The following PALM2AKAP2 variants were observed in gnomAD, a reference collection of about 807,000 sequenced individuals.
PALM2AKAP2 encodes PALM2 and AKAP2 fusion.
In PALM2AKAP2, 37 loss-of-function variants were observed where a neutral mutation model predicts 71.5. That is an observed-to-expected ratio of 0.52 (90% CI 0.40 to 0.68). The LOEUF (loss-of-function observed/expected upper bound fraction) is 0.68. PALM2AKAP2 is among the 30% of genes least tolerant of loss of function. The probability of loss-of-function intolerance (pLI) is 0.00; values close to 1 mark genes in which losing one functional copy is unlikely to be tolerated. For synonymous variants in PALM2AKAP2, 468 were observed against 478.8 expected (o/e 0.98, Z 0.29); for missense variants, 1,224 against 1,191.8 (o/e 1.03, Z -0.40).
chr9:110,113,240 T>C (rs1835288667), intron 1 of PALM2AKAP2, among the ~76,000 whole-genome samples: 1 of 93,146 alleles, frequency 1.1e-5, no homozygotes, highest in African/African-American at 4.1e-5. Context: ...TTTTTGTTTT[T>C]TTCTTTTTTT....
chr9:110,052,707 C>A (rs962202475), intron 1 of PALM2AKAP2, among the ~76,000 whole-genome samples: 25 of 152,258 alleles, frequency 1.6e-4, no homozygotes, highest in African/African-American at 5.8e-4. Context: ...TAAGATGTAA[C>A]CCCTGGTTAG....
intron 1 of PALM2AKAP2, among the ~76,000 whole-genome samples, chr9:110,135,166 TATATAA>T (rs202140782): frequency 1.4e-4 from 6 of 44,218 alleles, no homozygotes; most frequent in East Asian, 1.2e-3. Context: ...AAAAAAAAAA[TATATAA>T]ATATATATAT....
chr9:110,048,607 G>A (rs1833644186), upstream of PALM2AKAP2: 6 of 1,346,336 alleles, frequency 4.5e-6, no homozygotes, highest in Middle Eastern at 2.6e-4. Context: ...CTACTGGAGG[G>A]GAAGCGAGGA....
chr9:110,047,732 G>C (rs1011945044), upstream of PALM2AKAP2, among the ~76,000 whole-genome samples: 3 of 152,220 alleles, frequency 2.0e-5, no homozygotes, highest in Admixed American at 1.3e-4. Flanking sequence ...CTACAGCAGA[G>C]TAAGACCACA....
At chr9:110,058,018 G>A (rs1475489277) in intron 1 of PALM2AKAP2, among the ~76,000 whole-genome samples, 1 of 152,102 alleles carries the variant, frequency 6.6e-6, no homozygotes, top group Non-Finnish European at 1.5e-5. Flanking sequence ...TAGAGACCAG[G>A]GATGCAGCTA....
At chr9:110,054,784 C>G (rs1833797280) in intron 1 of PALM2AKAP2, among the ~76,000 whole-genome samples, 1 of 152,148 alleles carries the variant, frequency 6.6e-6, no homozygotes, top group Non-Finnish European at 1.5e-5. Context: ...ATCGACCAAG[C>G]TGGTCTTGAA....
At chr9:109,917,173 G>A (rs1230158018) in intron 3 of PALM2AKAP2, among the ~76,000 whole-genome samples, 1 of 152,180 alleles carries the variant, frequency 6.6e-6, no homozygotes, top group Non-Finnish European at 1.5e-5. Flanking sequence ...TGAAGATGGA[G>A]GAAGGGACCC....
intron 6 of PALM2AKAP2, among the ~76,000 whole-genome samples, chr9:109,932,259 G>T (rs982785673): frequency 6.6e-6 from 1 of 152,212 alleles, no homozygotes; most frequent in Admixed American, 6.5e-5. Context: ...TTTCACCTCC[G>T]ACTTCGGGGG....
chr9:110,057,568 C>T (rs544635954), intron 1 of PALM2AKAP2, among the ~76,000 whole-genome samples: 15 of 151,678 alleles, frequency 9.9e-5, no homozygotes, highest in African/African-American at 2.2e-4. Context: ...TTAGTAGAGA[C>T]GGGGTTTCAC....
At chr9:109,893,632 G>A (rs935322458) in intron 3 of PALM2AKAP2, among the ~76,000 whole-genome samples, 4 of 152,116 alleles carry the variant, frequency 2.6e-5, no homozygotes, top group Non-Finnish European at 5.9e-5. Flanking sequence ...TAACACCGTA[G>A]AGATGGGGTT....
At chr9:109,722,573 A>G (rs1828421297) in intron 1 of PALM2AKAP2, among the ~76,000 whole-genome samples, 1 of 152,294 alleles carries the variant, frequency 6.6e-6, no homozygotes, top group South Asian at 2.1e-4. Context: ...GGAGCTCAAT[A>G]CTAGCCTGGG....
chr9:109,640,810 C>A, exon 1 of PALM2AKAP2: 1 of 1,504,976 alleles, frequency 6.6e-7, no homozygotes, highest in Non-Finnish European at 8.8e-7. Flanking sequence ...CCGGGAGAGG[C>A]GAGCAGCGCC....
At chr9:110,114,403 G>A (rs530778476) in intron 1 of PALM2AKAP2, among the ~76,000 whole-genome samples, 5 of 152,152 alleles carry the variant, frequency 3.3e-5, no homozygotes, top group East Asian at 1.9e-4. Flanking sequence ...AATTATATCC[G>A]CAAAGATCCT....
At chr9:110,085,730 CAATGGATAATGCCTAAA>C (rs544826863) in intron 1 of PALM2AKAP2, among the ~76,000 whole-genome samples, 1 of 152,136 alleles carries the variant, frequency 6.6e-6, no homozygotes, top group South Asian at 2.1e-4. Flanking sequence ...AGGGGGATGC[CAATGGATAATGCCTAAA>C]ACTGATAAAT....
rs1408112064 is a variant in PALM2AKAP2 at position 109,769,165 on chromosome 9, G to GT, written c.6-11317dup. Among the ~76,000 whole-genome samples, 6 of 152,036 alleles carry GT rather than the reference G, an allele frequency of 3.9e-5. No individual in the cohort carries two copies. The South Asian group carries it at 1.2e-3, about 32-fold the overall frequency. On this transcript the variant is annotated intron_variant, in intron 1 of 6. Coordinates refer to the PALM2AKAP2 transcript ENST00000374531. ...CTTATAAGAACCCATAAAAATACTA[G>GT]TTTTTTACTCCTACGAAAGTGAAAT...
At chr9:110,157,390 T>TTTA (rs1554758177) in intron 3 of PALM2AKAP2, among the ~76,000 whole-genome samples, 1 of 149,692 alleles carries the variant, frequency 6.7e-6, no homozygotes, top group African/African-American at 2.5e-5. Flanking sequence ...CTTCAACTCT[T>TTTA]TTGTTGTTGT....
chr9:109,892,938 A>G (rs1830118895), intron 3 of PALM2AKAP2, among the ~76,000 whole-genome samples: 1 of 152,200 alleles, frequency 6.6e-6, no homozygotes, highest in South Asian at 2.1e-4. Context: ...TGTACAATAT[A>G]TAAACAATCT....
rs1160771853 is a variant in PALM2AKAP2 at position 110,137,181 on chromosome 9, A to T, written c.1211A>T (p.Asp404Val). 3 of 1,613,944 alleles carry T rather than the reference A, an allele frequency of 1.9e-6. No individual in the cohort carries two copies. In the Admixed American group the frequency reaches 5.0e-5, roughly 27 times the overall value. Residue 404 changes from aspartate to valine, a missense_variant, in exon 2 of 4, where the codon GAC becomes GTC. Asp to Val is a radical substitution (Grantham distance 152, BLOSUM62 -3). Coordinates refer to ENST00000374525, the Ensembl canonical transcript of PALM2AKAP2. ...AGCATGATTGACAAAGCAAAGGAGG[A>T]CATTGTCACAGAGCAGATAGATTTC... is the stretch of plus-strand genomic sequence containing the variant.
At chr9:109,773,866 A>G (rs1305445497) in intron 1 of PALM2AKAP2, among the ~76,000 whole-genome samples, 4 of 37,288 alleles carry the variant, frequency 1.1e-4, no homozygotes, top group Non-Finnish European at 1.6e-4. Context: ...GCTAGGATCC[A>G]TTTAGTCAAT....
Sources: gnomAD v4.1 joint callset for allele counts (sites outside exome capture counted in the v4.1 genomes callset) on GRCh38, gnomAD v4.1.1 for gene constraint, MANE v1.5 for transcripts, NCBI Gene and HGNC (gene_info 2026-07-23, HGNC 2026-07-21) for gene names.